Variants in PLPP4 observed in about 807,000 individuals in gnomAD.
PLPP4 encodes phospholipid phosphatase 4, also known as diacylglycerol pyrophosphate like 2.
Under a neutral mutation model 32.2 loss-of-function variants are expected in PLPP4, and 20 were observed. That is an observed-to-expected ratio of 0.62 (90% CI 0.44 to 0.90). The LOEUF (loss-of-function observed/expected upper bound fraction) is 0.90, where lower values mean the gene tolerates loss of function less well. PLPP4 is among the 40% of genes least tolerant of loss of function. The pLI, the probability that PLPP4 is intolerant of heterozygous loss-of-function variation, is 0.00. For synonymous variants in PLPP4, 127 were observed against 133.0 expected, an observed-to-expected ratio of 0.95 and a Z score of 0.31; for missense variants, 257 against 353.1, an observed-to-expected ratio of 0.73 and a Z score of 2.18.
chr10:120,529,877 G>A (rs915190807), intron 5 of PLPP4, among the ~76,000 whole-genome samples: 3 of 152,196 alleles, frequency 2.0e-5, no homozygotes, highest in African/African-American at 7.2e-5. Context: ...ACATGAACCT[G>A]TGAGTTTGAG....
chr10:120,568,515 C>G (rs1220609597), intron 5 of PLPP4, among the ~76,000 whole-genome samples: 2 of 152,196 alleles, frequency 1.3e-5, no homozygotes, highest in African/African-American at 4.8e-5. Flanking sequence ...AATGACTACT[C>G]CTTGTTGGTG....
At position 120,510,720 on chromosome 10, in the gene PLPP4, G is replaced by A. The variant is rs538376006; in HGVS notation, c.166-3191G>A. Among the ~76,000 whole-genome samples the A allele has an allele frequency of 3.2e-3, 481 of 152,198 alleles. 6 individuals are homozygous for A. Among genetic ancestry groups the A allele is most frequent in the African/African-American group, 0.011 (447 of 41,524 alleles). On this transcript the variant is annotated intron_variant, in intron 2 of 6. Transcript: ENST00000398250. ...CCTAGGAGGAAGTCGTTTTCCTAAT[G>A]TGTTGGCTTCTGAAGTTCACCTCTT...
At chr10:120,546,867 G>C (rs1362719590) in intron 5 of PLPP4, among the ~76,000 whole-genome samples, 1 of 152,188 alleles carries the variant, frequency 6.6e-6, no homozygotes, top group Admixed American at 6.5e-5. Context: ...GAATACATGA[G>C]AGAGTGTTTC....
intron 5 of PLPP4, among the ~76,000 whole-genome samples, chr10:120,531,096 T>C (rs902726606): frequency 7.4e-5 from 11 of 148,428 alleles, no homozygotes; most frequent in Non-Finnish European, 1.2e-4. Context: ...TCTTTTTTTT[T>C]TTTTTTTTTT....
intron 1 of PLPP4, among the ~76,000 whole-genome samples, chr10:120,479,489 A>T (rs1478766367): frequency 6.6e-6 from 1 of 152,122 alleles, no homozygotes; most frequent in East Asian, 1.9e-4. Flanking sequence ...ATTTATTGCG[A>T]TCTGAAATGA....
intron 5 of PLPP4, among the ~76,000 whole-genome samples, chr10:120,568,611 T>G (rs1183263877): frequency 2.0e-5 from 3 of 152,230 alleles, no homozygotes; most frequent in Non-Finnish European, 2.9e-5. Flanking sequence ...AAAAATCATT[T>G]CTCATTAAAA....
chr10:120,498,077 A>G (rs1455983572), intron 1 of PLPP4, among the ~76,000 whole-genome samples: 1 of 152,192 alleles, frequency 6.6e-6, no homozygotes, highest in Non-Finnish European at 1.5e-5. Context: ...CAATTTAAAC[A>G]GGAAAGAAAT....
At position 120,591,173 on chromosome 10, in the gene PLPP4, A is replaced by G. The variant is rs1057161820; in HGVS notation, c.*1671A>G. Among the ~76,000 whole-genome samples the G allele has an allele frequency of 2.6e-5, 4 of 152,204 alleles. No individual in the cohort carries two copies. The highest frequency in any genetic ancestry group is 9.6e-5 in the African/African-American group (4 of 41,458). On this transcript the variant is annotated 3_prime_UTR_variant, in exon 7 of 7. Transcript: ENST00000398250. ...CAGCCCTGGGCTGCGTGTGCAAGTT[A>G]GAAGCATCAGAATATCTTTGATCAG...
At chr10:120,581,758 C>G (rs1237569528) in intron 6 of PLPP4, among the ~76,000 whole-genome samples, 1 of 151,962 alleles carries the variant, frequency 6.6e-6, no homozygotes, top group African/African-American at 2.4e-5. Context: ...TTCTCCGTCT[C>G]GTGATGCCCA....
chr10:120,539,344 C>T (rs1214708863), intron 5 of PLPP4, among the ~76,000 whole-genome samples: 1 of 152,170 alleles, frequency 6.6e-6, no homozygotes, highest in Non-Finnish European at 1.5e-5. Flanking sequence ...GTCTAATCAG[C>T]TTTATAAGAG....
At chr10:120,486,144 C>T (rs1844437111) in intron 1 of PLPP4, among the ~76,000 whole-genome samples, 1 of 152,136 alleles carries the variant, frequency 6.6e-6, no homozygotes, top group Non-Finnish European at 1.5e-5. Flanking sequence ...GAGGCCAGGG[C>T]CTGCTTCTGT....
At chr10:120,566,730 T>G (rs1359481946) in intron 5 of PLPP4, among the ~76,000 whole-genome samples, 1 of 152,104 alleles carries the variant, frequency 6.6e-6, no homozygotes, top group Non-Finnish European at 1.5e-5. Flanking sequence ...AATTTTTGTA[T>G]TTTTAGTAGA....
intron 1 of PLPP4, among the ~76,000 whole-genome samples, chr10:120,491,202 G>A (rs1377516837): frequency 4.6e-5 from 7 of 152,176 alleles, no homozygotes; most frequent in Admixed American, 3.3e-4. Flanking sequence ...AAGCCAGTAG[G>A]AGGTGAATTC....
intron 1 of PLPP4, among the ~76,000 whole-genome samples, chr10:120,480,205 T>C (rs1844131836): frequency 6.6e-6 from 1 of 152,144 alleles, no homozygotes. Context: ...TGCATGAGGT[T>C]TTACCATTCT....
intron 5 of PLPP4, among the ~76,000 whole-genome samples, chr10:120,561,396 C>T (rs761973370): frequency 1.2e-4 from 19 of 152,106 alleles, no homozygotes; most frequent in Non-Finnish European, 2.2e-4. Context: ...TGACCTACAA[C>T]ATATCATGAC....
chr10:120,480,603 C>T (rs1844155108), intron 1 of PLPP4, among the ~76,000 whole-genome samples: 1 of 152,214 alleles, frequency 6.6e-6, no homozygotes, highest in African/African-American at 2.4e-5. Flanking sequence ...GCAGAGCTGG[C>T]AGCAGCCACC....
At chr10:120,503,452 C>A in intron 1 of PLPP4, 2 of 1,271,380 alleles carry the variant, frequency 1.6e-6, no homozygotes, top group Non-Finnish European at 2.2e-6. Context: ...TATGTTCCAC[C>A]TCAAACCCAT....
intron 5 of PLPP4, among the ~76,000 whole-genome samples, chr10:120,528,353 C>T (rs946030243): frequency 1.3e-5 from 2 of 152,100 alleles, no homozygotes; most frequent in Admixed American, 6.5e-5. Flanking sequence ...GGATTACAGA[C>T]GTGAGCCACC....
chr10:120,567,742 G>T (rs1367971869), intron 5 of PLPP4, among the ~76,000 whole-genome samples: 1 of 152,094 alleles, frequency 6.6e-6, no homozygotes, highest in Non-Finnish European at 1.5e-5. Flanking sequence ...TACAAGAGAT[G>T]AAAAATGCAA....
Sources: allele counts gnomAD v4.1 joint callset (sites outside exome capture counted in the v4.1 genomes callset), GRCh38; gene constraint gnomAD v4.1.1; transcripts MANE v1.5; gene names NCBI Gene and HGNC (gene_info 2026-07-23, HGNC 2026-07-21).